PCDHGB3: variants seen among roughly 807,000 people sequenced by gnomAD.
PCDHGB3 encodes the protein protocadherin gamma subfamily B, 3, also known as protocadherin gamma-B3.
A neutral mutation model predicts 59.2 loss-of-function variants in PCDHGB3; 40 were observed. The observed-to-expected ratio is 0.68, with a 90% confidence interval of 0.52 to 0.88. The LOEUF is 0.88. PCDHGB3 is among the 40% of genes least tolerant of loss of function. The pLI, the probability that PCDHGB3 is intolerant of heterozygous loss-of-function variation, is 0.00. For synonymous variants in PCDHGB3, 581 were observed against 503.6 expected (o/e 1.15, Z -2.06); for missense variants, 1,309 against 1,187.9 (o/e 1.10, Z -1.50).
Position 141,370,655 on chromosome 5 carries a change from C to T in PCDHGB3, c.261C>T (p.Ser87=), listed in dbSNP as rs746541169. The T allele has an allele frequency of 8.7e-6, 14 of 1,613,708 alleles. No homozygotes were observed. The highest frequency in any genetic ancestry group is 1.1e-5 in the Non-Finnish European group (13 of 1,179,894). Reference sequence around the variant, plus strand: ...CCGAAAATGGGAACTTACTTGTGAGCGACCGTATAGACCGAGAGGAGATTT... The same window carrying T: ...CCGAAAATGGGAACTTACTTGTGAGTGACCGTATAGACCGAGAGGAGATTT... ...VSPENGNLLV[S]DRIDREEICG... Residue 87 remains serine (S), a synonymous_variant, in exon 1 of 4, where the codon AGC becomes AGT. Coordinates refer to ENST00000576222, the MANE Select transcript of PCDHGB3 (RefSeq NM_018924.5).
At chr5:141,446,766 C>T (rs1335326278) in intron 1 of PCDHGB3, among the ~76,000 whole-genome samples, 7 of 152,208 alleles carry the variant, frequency 4.6e-5, no homozygotes, top group East Asian at 3.9e-4. Context: ...CGCGCCCAGC[C>T]GGTTACCATT....
At chr5:141,454,665 CA>C (rs2098795764) in intron 1 of PCDHGB3, among the ~76,000 whole-genome samples, 3 of 152,058 alleles carry the variant, frequency 2.0e-5, no homozygotes, top group Non-Finnish European at 4.4e-5. Flanking sequence ...CTCGGCCTCC[CA>C]AAACACTGGG....
intron 1 of PCDHGB3, among the ~76,000 whole-genome samples, chr5:141,481,743 G>C (rs1257734207): frequency 1.3e-5 from 2 of 152,096 alleles, no homozygotes; most frequent in Non-Finnish European, 2.9e-5. Context: ...CACGAGGTCA[G>C]GAGTCCAAGA....
intron 1 of PCDHGB3, among the ~76,000 whole-genome samples, chr5:141,482,529 GC>G (rs1229840218): frequency 3.6e-5 from 2 of 56,040 alleles, no homozygotes; most frequent in Non-Finnish European, 5.8e-5. Context: ...AGACAGACAT[GC>G]AAAAAAAAAA....
At chr5:141,428,169 G>T (rs758370904) in intron 1 of PCDHGB3, 5 of 1,539,960 alleles carry the variant, frequency 3.2e-6, no homozygotes, top group South Asian at 2.2e-5. Context: ...GTTGCTGTGC[G>T]TGACGGAGGA....
chr5:141,478,672 A>G (rs1216792401), intron 1 of PCDHGB3: 22 of 1,551,540 alleles, frequency 1.4e-5, no homozygotes, highest in Admixed American at 2.0e-5. Flanking sequence ...CACACTTTCA[A>G]CTGGCCCTTC....
At chr5:141,398,955 A>G in intron 1 of PCDHGB3, 6 of 1,613,966 alleles carry the variant, frequency 3.7e-6, no homozygotes, top group Non-Finnish European at 5.1e-6. Context: ...TCAACTCAGA[A>G]ATTACTTATT....
chr5:141,383,738 C>A (rs1779431322), intron 1 of PCDHGB3: 3 of 1,614,006 alleles, frequency 1.9e-6, no homozygotes, highest in Admixed American at 3.3e-5. Context: ...GTGACATATT[C>A]TTTTCGGAAA....
At chr5:141,500,450 C>A (rs2099800340) in intron 2 of PCDHGB3, among the ~76,000 whole-genome samples, 1 of 152,072 alleles carries the variant, frequency 6.6e-6, no homozygotes, top group Non-Finnish European at 1.5e-5. Flanking sequence ...ACCTCGTGAT[C>A]CGCCCGCCTC....
Position 141,490,809 on chromosome 5 carries a change from C to T in PCDHGB3, c.2416-3998C>T. On this transcript the variant is annotated intron_variant, in intron 1 of 3. Transcript: ENST00000576222. The surrounding 1 kb of genome is among the most constrained non-coding windows in gnomAD (Gnocchi z 5.4). Reference sequence around the variant, plus strand: ...GGATCTTTGCCCAGCGTACCTTTGACTATGAATTGCTGCAGATGCTGCAGA... The same window carrying T: ...GGATCTTTGCCCAGCGTACCTTTGATTATGAATTGCTGCAGATGCTGCAGA... 2 of 1,613,954 alleles carry T rather than the reference C, an allele frequency of 1.2e-6. No individual in the cohort carries two copies. Among genetic ancestry groups the T allele is most frequent in the South Asian group, 2.2e-5 (2 of 91,076 alleles).
At chr5:141,389,790 G>A (rs1328126483) in intron 1 of PCDHGB3, 4 of 1,613,352 alleles carry the variant, frequency 2.5e-6, no homozygotes, top group Non-Finnish European at 3.4e-6. Flanking sequence ...CAGGGACGCC[G>A]TCCGCCAGCG....
At position 141,437,741 on chromosome 5, in the gene PCDHGB3, C is replaced by CTT. The variant is rs35124340; in HGVS notation, c.2416-57052_2416-57051dup. 4.3e-3 allele frequency among the ~76,000 whole-genome samples: 606 copies of CTT among 141,726 alleles called. 5 individuals are homozygous for CTT. The highest frequency in any genetic ancestry group is 0.012 in the Admixed American group (164 of 14,230). 93.0% of individuals were successfully genotyped at this position (141,726 alleles called of 152,430 possible). A position where few individuals can be genotyped will look rare whatever the true frequency, so the allele number is the denominator to read the frequency against. On this transcript the variant is annotated intron_variant, in intron 1 of 3. Transcript: ENST00000576222. ...CTCTAATGTTACACTTTGAGTTCAC[C>CTT]TTTTTTTTTTTTTTTGAGACAGAGT...
At chr5:141,419,775 G>C in intron 1 of PCDHGB3, 1 of 1,614,016 alleles carries the variant, frequency 6.2e-7, no homozygotes, top group Non-Finnish European at 8.5e-7. Flanking sequence ...GACTCGGTCC[G>C]CCAGCGCCTG....
At chr5:141,375,581 C>A in intron 1 of PCDHGB3, 2 of 1,614,174 alleles carry the variant, frequency 1.2e-6, no homozygotes, top group Non-Finnish European at 8.5e-7. Context: ...CCAGGGGGCG[C>A]CCCTGTCCTC....
At chr5:141,428,134 T>C (rs746772496) in intron 1 of PCDHGB3, 1 of 1,600,266 alleles carries the variant, frequency 6.2e-7, no homozygotes, top group Non-Finnish European at 8.5e-7. Flanking sequence ...CTTTTCAGCC[T>C]GGGGCTGCAC....
chr5:141,388,395 C>T (rs1445370262), intron 1 of PCDHGB3: 10 of 1,613,928 alleles, frequency 6.2e-6, no homozygotes, highest in Middle Eastern at 1.6e-4. Flanking sequence ...GCAGAATTAC[C>T]AACTCAGTCC....
intron 1 of PCDHGB3, among the ~76,000 whole-genome samples, chr5:141,456,621 G>T (rs6885794): frequency 0.55 from 83,339 of 152,038 alleles, 25,195 homozygotes; most frequent in African/African-American, 0.82. Context: ...CTGTAGATTT[G>T]CCTCTTCTTT....
Position 141,462,050 on chromosome 5 carries a change from C to T in PCDHGB3, c.2416-32757C>T, listed in dbSNP as rs146056741. On this transcript the variant is annotated intron_variant, in intron 1 of 3. Coordinates refer to ENST00000576222, the MANE Select transcript of PCDHGB3 (RefSeq NM_018924.5). ...GTTGGTCAGGCGGGTCTTGAACTCC[C>T]GACCTCAGGTGATCTGCCCGCCTTG... is the stretch of plus-strand genomic sequence containing the variant. 5.5e-3 allele frequency among the ~76,000 whole-genome samples: 830 copies of T among 151,978 alleles called. 23 individuals are homozygous for T. The East Asian group carries it at 0.095, about 17-fold the overall frequency.
intron 1 of PCDHGB3, chr5:141,413,327 A>G (rs200027912): frequency 6.2e-7 from 1 of 1,613,984 alleles, no homozygotes; most frequent in Non-Finnish European, 8.5e-7. Context: ...TTCGTGGGCA[A>G]CATCTCCAAG....
Sources: allele counts gnomAD v4.1 joint callset (sites outside exome capture counted in the v4.1 genomes callset), GRCh38; gene constraint gnomAD v4.1.1; non-coding constraint Gnocchi (gnomAD v3.1); transcripts MANE v1.5; gene names NCBI Gene and HGNC (gene_info 2026-07-23, HGNC 2026-07-21).